Variants in CTNNB1 observed in about 807,000 individuals in gnomAD.
CTNNB1 encodes the protein catenin beta-1.
A neutral mutation model predicts 82.5 loss-of-function variants in CTNNB1; 6 were observed. The observed-to-expected ratio is 0.07, with a 90% CI of 0.04 to 0.14. CTNNB1 has a LOEUF of 0.14. CTNNB1 is among the 10% of genes least tolerant of loss of function. CTNNB1 has a pLI of 1.00. For missense variants in CTNNB1, 529 were observed against 980.4 expected (o/e 0.54, Z 6.15); for synonymous variants, 312 against 329.7 (o/e 0.95, Z 0.58).
intron 1 of CTNNB1, chr3:41,221,138 C>G (rs145164533): frequency 6.6e-6 from 1 of 152,168 alleles, no homozygotes; most frequent in Non-Finnish European, 1.5e-5. Flanking sequence ...GGTGATAAAG[C>G]TGTTGGAAAA....
At chr3:41,210,434 A>C (rs1424635844) in intron 1 of CTNNB1, among the ~76,000 whole-genome samples, 2 of 152,176 alleles carry the variant, frequency 1.3e-5, no homozygotes, top group African/African-American at 4.8e-5. Context: ...AGTCTGGGCG[A>C]CAGAGCGGAA....
chr3:41,219,620 T>C (rs2077995251), intron 1 of CTNNB1, among the ~76,000 whole-genome samples: 1 of 152,188 alleles, frequency 6.6e-6, no homozygotes, highest in African/African-American at 2.4e-5. Flanking sequence ...TGTGGACATA[T>C]CTATTAAAAG....
chr3:41,211,480 A>G (rs928987786), intron 1 of CTNNB1, among the ~76,000 whole-genome samples: 22 of 152,164 alleles, frequency 1.4e-4, no homozygotes, highest in African/African-American at 4.6e-4. Flanking sequence ...CAGTTGAACC[A>G]GTCACCCAGG....
rs1413542301 is a variant in CTNNB1, at chr3:41,240,350, T to C, written c.*1008T>C. ...TTTTGGACAGTTTACCAGTTGCCTT[T>C]TATCCCAAAGTTGTTGTAACCTGCT... is the stretch of plus-strand genomic sequence containing the variant. On this transcript the variant is annotated 3_prime_UTR_variant, in exon 15 of 15. Transcript: ENST00000349496. 1.6e-5 allele frequency: 3 copies of C among 188,868 alleles called. No individual in the cohort carries two copies. The East Asian group carries it at 2.5e-4, about 16-fold the overall frequency. 11.7% of individuals were successfully genotyped at this position (188,868 alleles called of 1,614,324 possible).
intron 1 of CTNNB1, among the ~76,000 whole-genome samples, chr3:41,204,697 G>C (rs1319455528): frequency 6.6e-6 from 1 of 152,170 alleles, no homozygotes; most frequent in Non-Finnish European, 1.5e-5. Context: ...GCAAGTGTTG[G>C]TGAACAAAAT....
At chr3:41,209,831 T>A (rs1270231441) in intron 1 of CTNNB1, among the ~76,000 whole-genome samples, 3 of 152,200 alleles carry the variant, frequency 2.0e-5, no homozygotes, top group African/African-American at 7.2e-5. Context: ...TTGCAGGATA[T>A]GTTGCTCTGG....
intron 1 of CTNNB1, among the ~76,000 whole-genome samples, chr3:41,209,337 T>G (rs1253743187): frequency 1.3e-5 from 2 of 152,210 alleles, no homozygotes; most frequent in African/African-American, 4.8e-5. Context: ...GTCAGCATTT[T>G]GGATGTCTAA....
At chr3:41,213,332 A>C (rs941431750) in intron 1 of CTNNB1, among the ~76,000 whole-genome samples, 3 of 152,176 alleles carry the variant, frequency 2.0e-5, no homozygotes, top group Non-Finnish European at 2.9e-5. Flanking sequence ...CTCAGCTTAC[A>C]TGTTACCTTC....
chr3:41,237,093 T>C (rs1021444567), intron 13 of CTNNB1: 1 of 338,622 alleles, frequency 3.0e-6, no homozygotes, highest in Non-Finnish European at 5.4e-6. Flanking sequence ...ATTTCTGCTA[T>C]GAATTTTTCT....
At position 41,235,664 on chromosome 3, in the gene CTNNB1, T is replaced by C. The variant is rs1053007338; in HGVS notation, c.1684-60T>C. On this transcript the variant is annotated intron_variant, in intron 10 of 14. Coordinates refer to ENST00000349496, the MANE Select transcript of CTNNB1 (RefSeq NM_001904.4). The stretch of plus-strand genomic sequence containing the variant: ...AATGTAAATAATTACAGTCTAATAA[T>C]TGTTCCTCAAACTTTACAGAGGAGA... 18 of 1,609,686 alleles carry C rather than the reference T, an allele frequency of 1.1e-5. No homozygotes were observed. In the African/African-American group the frequency reaches 1.9e-4, roughly 17 times the overall value.
chr3:41,218,415 AACAAGACATATCT>A (rs2077962545), intron 1 of CTNNB1, among the ~76,000 whole-genome samples: 1 of 152,208 alleles, frequency 6.6e-6, no homozygotes, highest in Non-Finnish European at 1.5e-5. Flanking sequence ...TTAAATCAAG[AACAAGACATATCT>A]TCCCATTTAC....
intron 7 of CTNNB1, among the ~76,000 whole-genome samples, chr3:41,231,030 T>A (rs979694265): frequency 6.6e-6 from 1 of 152,146 alleles, no homozygotes; most frequent in Non-Finnish European, 1.5e-5. Flanking sequence ...AAGCTTGCCT[T>A]AGAAGGAAAG....
intron 2 of CTNNB1, 118 bp downstream of exon 2, chr3:41,224,199 T>A: frequency 7.8e-7 from 1 of 1,281,502 alleles, no homozygotes; most frequent in Non-Finnish European, 1.1e-6. Context: ...GGCTACCTTT[T>A]GCTCCATTTT....
At chr3:41,212,180 C>G (rs554770708) in intron 1 of CTNNB1, among the ~76,000 whole-genome samples, 2 of 152,308 alleles carry the variant, frequency 1.3e-5, no homozygotes, top group South Asian at 4.1e-4. Flanking sequence ...GGTATCTAAT[C>G]ATAATCTGAA....
chr3:41,209,996 CTTT>C (rs759881832), intron 1 of CTNNB1, among the ~76,000 whole-genome samples: 1 of 152,118 alleles, frequency 6.6e-6, no homozygotes, highest in Non-Finnish European at 1.5e-5. Context: ...ATTACTGTCA[CTTT>C]TTTACTTTAT....
At chr3:41,203,111 A>C (rs2077571926) in intron 1 of CTNNB1, among the ~76,000 whole-genome samples, 1 of 150,544 alleles carries the variant, frequency 6.6e-6, no homozygotes, top group South Asian at 2.1e-4. Flanking sequence ...AGTTTCCCTC[A>C]AGCCTGAAGC....
intron 7 of CTNNB1, among the ~76,000 whole-genome samples, chr3:41,228,234 C>T (rs1254538746): frequency 6.6e-6 from 1 of 152,096 alleles, no homozygotes; most frequent in African/African-American, 2.4e-5. Flanking sequence ...TGGGCATATA[C>T]CTAATAATAG....
chr3:41,215,139 A>AG (rs767099302), intron 1 of CTNNB1, among the ~76,000 whole-genome samples: 7 of 144,618 alleles, frequency 4.8e-5, no homozygotes, highest in Non-Finnish European at 9.0e-5. Flanking sequence ...GCACTTTGGG[A>AG]GGCCGAGGCT....
chr3:41,224,740 A>G lies in CTNNB1; in HGVS notation c.228A>G (p.Gln76=), dbSNP rs1401376416. The change falls in exon 3 of 15, where the codon CAA becomes CAG. Residue 76 remains glutamine (Q), a synonymous_variant. Transcript: ENST00000349496. ...AGGGATTTTCTCAGTCCTTCACTCA[A>G]GAACAAGTAGCTGGTAAGAGTATTA... ...WEQGFSQSFT[Q]EQVADIDGQY... is the part of the protein sequence containing the mutation. 1 of 1,613,774 alleles carries G rather than the reference A, an allele frequency of 6.2e-7. No homozygotes were observed.
Sources: gnomAD v4.1 joint callset for allele counts (sites outside exome capture counted in the v4.1 genomes callset) on GRCh38, gnomAD v4.1.1 for gene constraint, MANE v1.5 for transcripts, NCBI Gene and HGNC (gene_info 2026-07-23, HGNC 2026-07-21) for gene names.